Variants in CNTNAP2 observed in about 807,000 individuals in gnomAD.
CNTNAP2 encodes the protein contactin associated protein 2, also known as contactin-associated protein-like 2.
CNTNAP2 carries 98 observed loss-of-function variants against 155.2 expected under a neutral mutation model. The observed-to-expected ratio is 0.63, with a 90% confidence interval of 0.54 to 0.75. The LOEUF is 0.75. Ranked by LOEUF, CNTNAP2 falls within the 30% of genes least tolerant of loss-of-function variation. The probability of loss-of-function intolerance (pLI) is 0.00; values close to 1 mark genes in which losing one functional copy is unlikely to be tolerated. For synonymous variants in CNTNAP2, 651 were observed against 631.2 expected (o/e 1.03, Z -0.47); for missense variants, 1,727 against 1,688.1 (o/e 1.02, Z -0.40).
chr7:146,736,556 A>C (rs1175432316), intron 1 of CNTNAP2, among the ~76,000 whole-genome samples: 1 of 152,188 alleles, frequency 6.6e-6, no homozygotes, highest in African/African-American at 2.4e-5. Context: ...ACACAAGTAG[A>C]TATTAACTAA....
At chr7:146,212,739 G>A (rs1479536656) in intron 1 of CNTNAP2, among the ~76,000 whole-genome samples, 1 of 152,180 alleles carries the variant, frequency 6.6e-6, no homozygotes, top group Non-Finnish European at 1.5e-5. Context: ...ATGAAATACA[G>A]TTAGAAAATA....
chr7:147,030,485 T>C (rs1034540020), intron 3 of CNTNAP2, among the ~76,000 whole-genome samples: 1 of 152,228 alleles, frequency 6.6e-6, no homozygotes, highest in African/African-American at 2.4e-5. Flanking sequence ...TTTTGGTTTT[T>C]CATATTTTTA....
chr7:146,368,193 A>G (rs1206727771), intron 1 of CNTNAP2, among the ~76,000 whole-genome samples: 2 of 152,134 alleles, frequency 1.3e-5, no homozygotes, highest in East Asian at 1.9e-4. Flanking sequence ...CTCTTCAGCT[A>G]TTGCTCTATT....
intron 21 of CNTNAP2, among the ~76,000 whole-genome samples, chr7:148,276,660 T>C (rs1226233883): frequency 2.0e-5 from 3 of 152,212 alleles, no homozygotes; most frequent in Admixed American, 6.5e-5. Flanking sequence ...ATAAGCCATG[T>C]TAAGGTTTTA....
At chr7:147,604,708 C>A (rs1349217435) in intron 12 of CNTNAP2, among the ~76,000 whole-genome samples, 1 of 152,110 alleles carries the variant, frequency 6.6e-6, no homozygotes, top group East Asian at 1.9e-4. Context: ...TGGAACCAAC[C>A]AATCCAGCAA....
intron 1 of CNTNAP2, among the ~76,000 whole-genome samples, chr7:146,686,228 G>A (rs2642491): frequency 6.6e-6 from 1 of 151,964 alleles, no homozygotes; most frequent in Non-Finnish European, 1.5e-5. Context: ...CCCAGGAGGT[G>A]AAGGCTGTTG....
chr7:147,914,752 A>C (rs1222597568), intron 14 of CNTNAP2, among the ~76,000 whole-genome samples: 1 of 151,890 alleles, frequency 6.6e-6, no homozygotes, highest in Admixed American at 6.6e-5. Flanking sequence ...GGGTCTTGCC[A>C]TTTTGCCCAG....
At chr7:148,310,208 C>T (rs1251169686) in intron 21 of CNTNAP2, among the ~76,000 whole-genome samples, 1 of 152,214 alleles carries the variant, frequency 6.6e-6, no homozygotes, top group African/African-American at 2.4e-5. Context: ...AGCATAATTA[C>T]TTACTTGGTT....
chr7:146,266,408 T>G (rs1163528749), intron 1 of CNTNAP2, among the ~76,000 whole-genome samples: 1 of 152,096 alleles, frequency 6.6e-6, no homozygotes, highest in African/African-American at 2.4e-5. Flanking sequence ...TTTCTTTAAA[T>G]CCCCCAGAGT....
chr7:147,798,933 A>G (rs541579983), intron 13 of CNTNAP2, among the ~76,000 whole-genome samples: 14 of 152,156 alleles, frequency 9.2e-5, no homozygotes, highest in Non-Finnish European at 1.9e-4. Flanking sequence ...GTTTCCCTCC[A>G]TATTGAATTT....
intron 13 of CNTNAP2, among the ~76,000 whole-genome samples, chr7:147,759,498 T>C (rs933569107): frequency 6.6e-6 from 1 of 152,220 alleles, no homozygotes; most frequent in African/African-American, 2.4e-5. Flanking sequence ...TACTATTCAT[T>C]GAAAATCATT....
chr7:146,306,521 A>G (rs541952479), intron 1 of CNTNAP2, among the ~76,000 whole-genome samples: 11 of 152,326 alleles, frequency 7.2e-5, no homozygotes, highest in Admixed American at 5.9e-4. Context: ...AACTCAATCC[A>G]GCAGCACATC....
chr7:148,147,436 T>C (rs1476865217), intron 16 of CNTNAP2, 55 bp from the exon 17 acceptor site: 1 of 1,525,652 alleles, frequency 6.6e-7, no homozygotes, highest in African/African-American at 1.4e-5. Flanking sequence ...AATTTACTGC[T>C]ATTTGGTATC....
At chr7:147,266,725 A>G (rs1804619901) in intron 8 of CNTNAP2, among the ~76,000 whole-genome samples, 1 of 152,118 alleles carries the variant, frequency 6.6e-6, no homozygotes, top group African/African-American at 2.4e-5. Context: ...GGGTTGTGGG[A>G]GTAGTTATAA....
chr7:146,587,383 A>C (rs527326442), intron 1 of CNTNAP2, among the ~76,000 whole-genome samples: 72 of 152,260 alleles, frequency 4.7e-4, no homozygotes, highest in East Asian at 2.1e-3. Flanking sequence ...CTGATAGCTC[A>C]GTGAGGAACT....
At chr7:146,688,853 C>G (rs942071549) in intron 1 of CNTNAP2, among the ~76,000 whole-genome samples, 12 of 152,042 alleles carry the variant, frequency 7.9e-5, no homozygotes, top group African/African-American at 2.9e-4. Context: ...AATCAAAACT[C>G]TTCATCAGTT....
chr7:148,268,488 C>CA (rs1434211078), intron 21 of CNTNAP2, among the ~76,000 whole-genome samples: 3 of 151,812 alleles, frequency 2.0e-5, no homozygotes, highest in East Asian at 1.9e-4. Context: ...CCCGTCTCTA[C>CA]AAAAAAATTT....
At chr7:148,011,545 A>T (rs719311) in intron 15 of CNTNAP2, among the ~76,000 whole-genome samples, 16,132 of 151,976 alleles carry the variant, frequency 0.11, 1,201 homozygotes, top group East Asian at 0.24. Flanking sequence ...TTATTTCCTC[A>T]TCTGTTTTGG....
intron 15 of CNTNAP2, among the ~76,000 whole-genome samples, chr7:148,051,416 GT>G (rs112520560): frequency 0.027 from 3,923 of 145,424 alleles, 177 homozygotes; most frequent in African/African-American, 0.088. Flanking sequence ...TTTCTTTTCT[GT>G]TTTTTTTTTT....
Sources: gnomAD v4.1 joint callset for allele counts (sites outside exome capture counted in the v4.1 genomes callset) on GRCh38, gnomAD v4.1.1 for gene constraint, MANE v1.5 for transcripts, NCBI Gene and HGNC (gene_info 2026-07-23, HGNC 2026-07-21) for gene names.